ABHD12: variants seen among roughly 807,000 people sequenced by gnomAD.
The protein encoded by ABHD12 is lysophosphatidylserine lipase ABHD12.
Under a neutral mutation model 58.3 loss-of-function variants are expected in ABHD12, and 43 were observed. That is an observed-to-expected ratio of 0.74 (90% CI 0.58 to 0.95). The LOEUF (loss-of-function observed/expected upper bound fraction) is 0.95, where lower values mean the gene tolerates loss of function less well. Ranked by LOEUF, ABHD12 falls within the 40% of genes least tolerant of loss-of-function variation. The pLI, the probability that ABHD12 is intolerant of heterozygous loss-of-function variation, is 0.00. For missense variants in ABHD12, 539 were observed against 537.2 expected (o/e 1.00, Z -0.03); for synonymous variants, 219 against 211.2 (o/e 1.04, Z -0.32).
chr20:25,317,448 C>T (rs560041908), intron 4 of ABHD12, among the ~76,000 whole-genome samples: 5 of 152,286 alleles, frequency 3.3e-5, no homozygotes, highest in African/African-American at 1.2e-4. Context: ...CAACAGGACC[C>T]GTATGGGCGA....
intron 1 of ABHD12, among the ~76,000 whole-genome samples, chr20:25,374,020 C>T (rs1408576563): frequency 6.6e-6 from 1 of 152,124 alleles, no homozygotes; most frequent in African/African-American, 2.4e-5. Context: ...ACCTCCCAGG[C>T]TCAAGCAATC....
chr20:25,308,517 T>C (rs2088789756), intron 7 of ABHD12, 23 bp from the exon 8 acceptor site: 2 of 1,601,024 alleles, frequency 1.2e-6, no homozygotes, highest in Non-Finnish European at 8.5e-7. Context: ...AAAAACAGCT[T>C]AGTTGAGTTA....
intron 1 of ABHD12, among the ~76,000 whole-genome samples, chr20:25,342,049 T>C (rs1358726413): frequency 4.1e-5 from 6 of 147,792 alleles, no homozygotes. Flanking sequence ...ACAGAAAGAC[T>C]TGTTCAAAAA....
At chr20:25,383,636 T>C (rs551600697) in intron 1 of ABHD12, among the ~76,000 whole-genome samples, 41 of 152,244 alleles carry the variant, frequency 2.7e-4, no homozygotes, top group African/African-American at 8.9e-4. Context: ...CTGGCCAATA[T>C]GGTGAAACCC....
At chr20:25,390,256 C>T (rs1213730850) in intron 1 of ABHD12, 4 of 364,952 alleles carry the variant, frequency 1.1e-5, no homozygotes, top group Non-Finnish European at 9.8e-6. Context: ...GCCAGGAGTG[C>T]CTGGCGAGAG....
At chr20:25,331,921 C>T (rs1208370055) in intron 2 of ABHD12, among the ~76,000 whole-genome samples, 1 of 151,652 alleles carries the variant, frequency 6.6e-6, no homozygotes. Context: ...AACCAGCTAA[C>T]ATCATAATGA....
In ABHD12 at chr20:25,350,442, G is replaced by T. The variant is rs78395155; in HGVS notation, c.192-11091C>A. 4.3e-3 allele frequency among the ~76,000 whole-genome samples: 652 copies of T among 152,238 alleles called. 1 individual carries two copies. The highest frequency in any genetic ancestry group is 8.2e-3 in the Admixed American group (125 of 15,282). On this transcript the variant is annotated intron_variant, in intron 1 of 12. Transcript: ENST00000339157. ...TTCCCCCATACTGTTTCTCATGGTAGTAAGTCTCACAAGATCTGGTGGTTT... is the reference window on the plus strand; with the variant it reads ...TTCCCCCATACTGTTTCTCATGGTATTAAGTCTCACAAGATCTGGTGGTTT...
downstream of ABHD12, among the ~76,000 whole-genome samples, chr20:25,298,359 G>C (rs912397798): frequency 6.6e-6 from 1 of 152,094 alleles, no homozygotes; most frequent in African/African-American, 2.4e-5. Context: ...TCCGCCTCCT[G>C]GGTTCAAGCA....
chr20:25,389,119 G>C (rs1424513233), intron 1 of ABHD12, among the ~76,000 whole-genome samples: 1 of 152,056 alleles, frequency 6.6e-6, no homozygotes, highest in Non-Finnish European at 1.5e-5. Context: ...TGATTTTTTC[G>C]AAGGAAGAAT....
rs372807311 is a variant in ABHD12 at position 25,307,975 on chromosome 20, T to G, written c.858A>C (p.Pro286=). The change falls in exon 9 of 13, where the codon CCA becomes CCC. Residue 286 remains proline, a synonymous_variant. Transcript: ENST00000339157. Reference sequence around the variant, plus strand: ...TAAAATCTGTACTTGCCACTGAAAATGGATGGCTCTTAGCTTCTTCGCGGA... The same window carrying G: ...TAAAATCTGTACTTGCCACTGAAAAGGGATGGCTCTTAGCTTCTTCGCGGA... The part of the protein sequence containing the change: ...TNIREEAKSH[P]FSVIYRYFPG... 7.9e-5 allele frequency: 126 copies of G among 1,598,142 alleles called. No homozygotes were observed. The highest frequency in any genetic ancestry group is 6.3e-5 in the Non-Finnish European group (74 of 1,165,690).
At chr20:25,330,800 A>G (rs1374987272) in intron 2 of ABHD12, among the ~76,000 whole-genome samples, 5 of 152,218 alleles carry the variant, frequency 3.3e-5, no homozygotes, top group Non-Finnish European at 5.9e-5. Flanking sequence ...CATCCACACC[A>G]AAAACCCATC....
At chr20:25,318,733 C>G (rs1765410022) in intron 4 of ABHD12, among the ~76,000 whole-genome samples, 2 of 151,146 alleles carry the variant, frequency 1.3e-5, no homozygotes, top group African/African-American at 4.9e-5. Context: ...AACCACAGTT[C>G]TGTCATTTAT....
chr20:25,364,978 C>T (rs2089799963), intron 1 of ABHD12, among the ~76,000 whole-genome samples: 1 of 152,250 alleles, frequency 6.6e-6, no homozygotes, highest in East Asian at 1.9e-4. Context: ...GGAATGGCTG[C>T]CTAGCTGGGG....
chr20:25,324,368 T>G (rs1049983026), intron 2 of ABHD12, among the ~76,000 whole-genome samples: 1 of 152,194 alleles, frequency 6.6e-6, no homozygotes, highest in Non-Finnish European at 1.5e-5. Flanking sequence ...GGGGGCAATT[T>G]TTTCCTTATA....
chr20:25,387,321 G>A (rs904483719), intron 1 of ABHD12, among the ~76,000 whole-genome samples: 1 of 152,156 alleles, frequency 6.6e-6, no homozygotes, highest in Non-Finnish European at 1.5e-5. Context: ...AACACTTTGG[G>A]AGGCCGTGAC....
chr20:25,390,605 G>A lies in ABHD12; in HGVS notation c.99C>T (p.Asp33=), dbSNP rs945895645. The stretch of plus-strand genomic sequence containing the variant: ...GGCGTAGGTTCTGCTTCAGGCGGCA[G>A]TCGGCGTCCAGCGCCGCGGCGGCCG... ...SGSAAAALDA[D]CRLKQNLRLT... is the part of the protein sequence containing the mutation. The change falls in exon 1 of 13, where the codon GAC becomes GAT. Residue 33 remains aspartate, a synonymous_variant. Coordinates refer to ENST00000339157, the MANE Select transcript of ABHD12 (RefSeq NM_001042472.3). The A allele has an allele frequency of 2.7e-6, 4 of 1,469,458 alleles. No individual in the cohort carries two copies. In the African/African-American group the frequency reaches 4.4e-5, roughly 16 times the overall value. The allele number at this position is 1,469,458 out of a possible 1,614,324, so 91.0% of individuals were successfully genotyped here.
At chr20:25,295,592 CT>C, downstream of ABHD12, 1 of 1,613,148 alleles carries the variant, frequency 6.2e-7, no homozygotes, top group Non-Finnish European at 8.5e-7. Flanking sequence ...AGCCTCCTTT[CT>C]CCCATTCCAG....
At chr20:25,354,512 G>C (rs1247443747) in intron 1 of ABHD12, among the ~76,000 whole-genome samples, 1 of 152,126 alleles carries the variant, frequency 6.6e-6, no homozygotes, top group African/African-American at 2.4e-5. Context: ...AGTCTAAAAG[G>C]CTGTACATAA....
intron 2 of ABHD12, among the ~76,000 whole-genome samples, chr20:25,331,517 G>A (rs2089275796): frequency 1.3e-5 from 2 of 152,160 alleles, no homozygotes; most frequent in African/African-American, 4.8e-5. Flanking sequence ...ATTCACGAAA[G>A]TTGAAATGAA....
Sources: gnomAD v4.1 joint callset for allele counts (sites outside exome capture counted in the v4.1 genomes callset) on GRCh38, gnomAD v4.1.1 for gene constraint, MANE v1.5 for transcripts, NCBI Gene and HGNC (gene_info 2026-07-23, HGNC 2026-07-21) for gene names.